The following ATXN7L1 variants were observed in gnomAD, a reference collection of about 807,000 sequenced individuals.
ATXN7L1 encodes ataxin 7 like 1.
Under a neutral mutation model 70.8 loss-of-function variants are expected in ATXN7L1, and 15 were observed. That is an observed-to-expected ratio of 0.21 (90% CI 0.14 to 0.33). The LOEUF (loss-of-function observed/expected upper bound fraction) is 0.33, where lower values mean the gene tolerates loss of function less well. Ranked by LOEUF, ATXN7L1 falls within the 10% of genes least tolerant of loss-of-function variation. The probability of loss-of-function intolerance (pLI) is 1.00; values close to 1 mark genes in which losing one functional copy is unlikely to be tolerated. For synonymous variants in ATXN7L1, 440 were observed against 445.1 expected, an observed-to-expected ratio of 0.99 and a Z score of 0.14; for missense variants, 975 against 1,097.1, an observed-to-expected ratio of 0.89 and a Z score of 1.57.
At chr7:105,622,329 C>G (rs1306928361) in intron 8 of ATXN7L1, among the ~76,000 whole-genome samples, 6 of 152,200 alleles carry the variant, frequency 3.9e-5, no homozygotes, top group Non-Finnish European at 5.9e-5. Context: ...CTGGCAGAGC[C>G]TCATATTTCT....
chr7:105,864,693 G>T (rs1231505629), intron 2 of ATXN7L1, among the ~76,000 whole-genome samples: 1 of 151,668 alleles, frequency 6.6e-6, no homozygotes, highest in African/African-American at 2.4e-5. Flanking sequence ...GAGTGCAGTG[G>T]TGCAATCTCG....
chr7:105,752,346 G>T (rs2116389599), intron 3 of ATXN7L1, among the ~76,000 whole-genome samples: 1 of 152,346 alleles, frequency 6.6e-6, no homozygotes, highest in East Asian at 1.9e-4. Flanking sequence ...TGCAGGCCCG[G>T]CTGGCAAATG....
chr7:105,818,496 C>T (rs1046332051), intron 2 of ATXN7L1, among the ~76,000 whole-genome samples: 1 of 151,136 alleles, frequency 6.6e-6, no homozygotes, highest in Non-Finnish European at 1.5e-5. Flanking sequence ...GTAAAACAGG[C>T]TTAGAATGTT....
chr7:105,791,169 G>A (rs1314839478), intron 2 of ATXN7L1, among the ~76,000 whole-genome samples: 1 of 152,232 alleles, frequency 6.6e-6, no homozygotes. Flanking sequence ...GGCCTGCCTG[G>A]AGGCAGGTGA....
intron 3 of ATXN7L1, among the ~76,000 whole-genome samples, chr7:105,770,641 C>T (rs1801856405): frequency 6.6e-6 from 1 of 152,116 alleles, no homozygotes; most frequent in Non-Finnish European, 1.5e-5. Flanking sequence ...ACTGAATGAC[C>T]ACTCACTTTT....
intron 3 of ATXN7L1, among the ~76,000 whole-genome samples, chr7:105,703,521 T>C (rs1792750412): frequency 6.6e-6 from 1 of 152,212 alleles, no homozygotes; most frequent in African/African-American, 2.4e-5. Context: ...ACACAAAAAA[T>C]GGGTTTTATT....
intron 8 of ATXN7L1, 108 bp downstream of exon 8, chr7:105,623,967 C>T: frequency 5.7e-6 from 6 of 1,055,146 alleles, no homozygotes; most frequent in Non-Finnish European, 7.4e-6. Flanking sequence ...TTGTAAAACA[C>T]TGCGCAGGCA....
chr7:105,830,800 CCTGCACTTCCTGGGA>C (rs1363817232), intron 2 of ATXN7L1, among the ~76,000 whole-genome samples: 2 of 152,222 alleles, frequency 1.3e-5, no homozygotes, highest in South Asian at 2.1e-4. Flanking sequence ...TTCCATGGGA[CCTGCACTTCCTGGGA>C]CTGCACTTCC....
At chr7:105,675,370 C>G (rs1804471990) in intron 3 of ATXN7L1, among the ~76,000 whole-genome samples, 1 of 152,124 alleles carries the variant, frequency 6.6e-6, no homozygotes, top group Admixed American at 6.5e-5. Context: ...CTCCTGTAAT[C>G]CCAGCACTTT....
intron 3 of ATXN7L1, among the ~76,000 whole-genome samples, chr7:105,773,300 G>A (rs779093865): frequency 6.6e-6 from 1 of 152,220 alleles, no homozygotes; most frequent in Non-Finnish European, 1.5e-5. Flanking sequence ...AGAAGGGCAT[G>A]TGTGAATTAA....
At chr7:105,671,297 A>T (rs1056390317) in intron 3 of ATXN7L1, among the ~76,000 whole-genome samples, 19 of 151,002 alleles carry the variant, frequency 1.3e-4, no homozygotes, top group African/African-American at 3.4e-4. Flanking sequence ...AAAAAAAAAA[A>T]TTTATTTAAA....
intron 3 of ATXN7L1, among the ~76,000 whole-genome samples, chr7:105,665,900 T>C (rs1157141546): frequency 6.6e-6 from 1 of 152,164 alleles, no homozygotes; most frequent in Non-Finnish European, 1.5e-5. Context: ...CAGGAGGATG[T>C]CAACGCTTGA....
At chr7:105,728,950 C>A (rs1481287842) in intron 3 of ATXN7L1, among the ~76,000 whole-genome samples, 1 of 152,090 alleles carries the variant, frequency 6.6e-6, no homozygotes, top group African/African-American at 2.4e-5. Context: ...TGAGTCCATA[C>A]TGTTATAAAT....
intron 2 of ATXN7L1, among the ~76,000 whole-genome samples, chr7:105,860,698 C>T (rs1161955785): frequency 6.6e-6 from 1 of 152,110 alleles, no homozygotes; most frequent in Non-Finnish European, 1.5e-5. Context: ...CTGAACTTTA[C>T]ACTTGAAAAT....
intron 3 of ATXN7L1, among the ~76,000 whole-genome samples, chr7:105,726,302 A>G (rs1263656053): frequency 2.0e-5 from 3 of 152,128 alleles, no homozygotes; most frequent in Non-Finnish European, 4.4e-5. Context: ...AAGAGCACAA[A>G]GAAGGCTCTA....
chr7:105,834,040 GTTTA>G (rs1387564772), intron 2 of ATXN7L1, among the ~76,000 whole-genome samples: 2 of 151,956 alleles, frequency 1.3e-5, no homozygotes, highest in African/African-American at 2.4e-5. Flanking sequence ...TCTTTGTTTT[GTTTA>G]TTATTTATTT....
At position 105,613,733 on chromosome 7, in the gene ATXN7L1, G is replaced by A. The variant is rs1793397943; in HGVS notation, c.2472+129C>T. The A allele has an allele frequency of 7.9e-6, 12 of 1,518,882 alleles. No individual in the cohort carries two copies. In the East Asian group the frequency reaches 3.0e-4, roughly 37 times the overall value. 94.1% of individuals were successfully genotyped at this position (1,518,882 alleles called of 1,614,324 possible). On this transcript the variant is annotated intron_variant, in intron 10 of 11. Coordinates refer to ENST00000419735, the MANE Select transcript of ATXN7L1 (RefSeq NM_020725.2). ...GCTCTCAAAGCAGAGGGTGAAAACT[G>A]CCTTCGGGGAAAACGAGAACAGGAA...
At chr7:105,797,446 G>A (rs143933219) in intron 2 of ATXN7L1, among the ~76,000 whole-genome samples, 2 of 152,310 alleles carry the variant, frequency 1.3e-5, no homozygotes, top group African/African-American at 4.8e-5. Flanking sequence ...GGAGGCGAAG[G>A]GGCTGCACTG....
chr7:105,681,211 G>A (rs1426251405), intron 3 of ATXN7L1, among the ~76,000 whole-genome samples: 1 of 152,168 alleles, frequency 6.6e-6, no homozygotes, highest in Non-Finnish European at 1.5e-5. Flanking sequence ...TGGATCACGA[G>A]GTCAGGAGTT....
Sources: allele counts gnomAD v4.1 joint callset (sites outside exome capture counted in the v4.1 genomes callset), GRCh38; gene constraint gnomAD v4.1.1; transcripts MANE v1.5; gene names NCBI Gene and HGNC (gene_info 2026-07-23, HGNC 2026-07-21).